Variants in FLNB observed in about 807,000 individuals in gnomAD.
The protein encoded by FLNB is filamin B.
In FLNB, 111 loss-of-function variants were observed where a neutral mutation model predicts 250.6. The observed-to-expected ratio is 0.44, with a 90% CI of 0.38 to 0.52. The LOEUF is 0.52. FLNB is among the 20% of genes least tolerant of loss of function. FLNB has a pLI of 0.00. For missense variants in FLNB, 2,869 were observed against 3,447.8 expected, an observed-to-expected ratio of 0.83 and a Z score of 4.20; for synonymous variants, 1,302 against 1,372.1, an observed-to-expected ratio of 0.95 and a Z score of 1.13.
chr3:58,054,511 G>C (rs928819581), intron 1 of FLNB, among the ~76,000 whole-genome samples: 6 of 152,130 alleles, frequency 3.9e-5, no homozygotes, highest in African/African-American at 1.2e-4. Flanking sequence ...GGAAGTCTCG[G>C]GAAACTTACA....
In FLNB at chr3:58,071,528, C is replaced by T. The variant is rs573645933; in HGVS notation, c.293-5518C>T. On this transcript the variant is annotated intron_variant, in intron 1 of 45. Coordinates refer to ENST00000295956, the MANE Select transcript of FLNB (RefSeq NM_001457.4). ...TCCTGACCCCAAGTGATCCTCCTGC[C>T]TCGGCCTCCCAAAGTGTTGAGATTA... Among the ~76,000 whole-genome samples, 14 of 152,218 alleles carry T rather than the reference C, an allele frequency of 9.2e-5. No individual in the cohort carries two copies. The South Asian group carries it at 1.5e-3, about 16-fold the overall frequency.
intron 1 of FLNB, among the ~76,000 whole-genome samples, chr3:58,060,366 T>A (rs1226025380): frequency 6.6e-6 from 1 of 150,392 alleles, no homozygotes; most frequent in Non-Finnish European, 1.5e-5. Flanking sequence ...TTTTTTTTTT[T>A]TTTTTGAGAT....
At chr3:58,089,427 T>G (rs1489253025) in intron 4 of FLNB, among the ~76,000 whole-genome samples, 1 of 151,438 alleles carries the variant, frequency 6.6e-6, no homozygotes, top group East Asian at 1.9e-4. Flanking sequence ...GCACCTGTAA[T>G]CCCAGCTACT....
At chr3:58,068,738 T>C (rs1475993237) in intron 1 of FLNB, among the ~76,000 whole-genome samples, 2 of 152,128 alleles carry the variant, frequency 1.3e-5, no homozygotes, top group South Asian at 2.1e-4. Flanking sequence ...AGCTCTTCAA[T>C]GTGGGGTGGT....
chr3:58,159,733 C>A (rs1231457626), intron 42 of FLNB, 47 bp downstream of exon 42: 1 of 1,601,886 alleles, frequency 6.2e-7, no homozygotes, highest in Non-Finnish European at 8.5e-7. Flanking sequence ...CACTTTCCAG[C>A]AGAATGTTCC....
chr3:58,152,982 C>T (rs76757704), intron 38 of FLNB: 5,270 of 331,152 alleles, frequency 0.016, 252 homozygotes, highest in African/African-American at 0.099. Flanking sequence ...GGTTTCCCCT[C>T]TGCCATTGGG....
At chr3:58,019,930 T>G (rs1372733797) in intron 1 of FLNB, among the ~76,000 whole-genome samples, 2 of 152,032 alleles carry the variant, frequency 1.3e-5, no homozygotes, top group African/African-American at 4.8e-5. Flanking sequence ...AAAGGTTGCT[T>G]TGGAGGAGGT....
At chr3:58,121,136 CTGAGA>C (rs1045331248) in intron 19 of FLNB, 100 bp from the exon 20 acceptor site, 9 of 1,446,192 alleles carry the variant, frequency 6.2e-6, no homozygotes, top group African/African-American at 5.6e-5. Flanking sequence ...ACAGTGGAGG[CTGAGA>C]TAAGTCCCCG....
At chr3:58,091,793 C>T (rs995240750) in intron 4 of FLNB, among the ~76,000 whole-genome samples, 11 of 152,172 alleles carry the variant, frequency 7.2e-5, no homozygotes, top group African/African-American at 2.7e-4. Context: ...TACTGTCCTG[C>T]AAGACAAGCT....
At chr3:58,126,959 T>C (rs555466833) in intron 24 of FLNB, among the ~76,000 whole-genome samples, 197 bp downstream of exon 24, 1 of 152,268 alleles carries the variant, frequency 6.6e-6, no homozygotes, top group South Asian at 2.1e-4. Context: ...AAGCATCGGC[T>C]TAGAATTTTG....
chr3:58,044,080 C>G (rs2097150025), intron 1 of FLNB, among the ~76,000 whole-genome samples: 1 of 152,192 alleles, frequency 6.6e-6, no homozygotes, highest in Non-Finnish European at 1.5e-5. Flanking sequence ...TAGCCATAGG[C>G]AGAGACCTCA....
intron 5 of FLNB, among the ~76,000 whole-genome samples, chr3:58,095,223 A>G (rs1377118300): frequency 6.8e-6 from 1 of 145,994 alleles, no homozygotes; most frequent in African/African-American, 2.5e-5. Context: ...GTTGAGGTTT[A>G]TGTATGTATT....
At chr3:58,085,528 C>T (rs2097216032) in intron 4 of FLNB, among the ~76,000 whole-genome samples, 1 of 152,130 alleles carries the variant, frequency 6.6e-6, no homozygotes, top group African/African-American at 2.4e-5. Flanking sequence ...AGTTGCCAGC[C>T]AGTTAGCATT....
At chr3:58,054,382 A>T (rs1383162958) in intron 1 of FLNB, among the ~76,000 whole-genome samples, 1 of 152,182 alleles carries the variant, frequency 6.6e-6, no homozygotes, top group East Asian at 1.9e-4. Context: ...TCGTTGCAGA[A>T]ACTTCTATTG....
At position 58,168,568 on chromosome 3, in the gene FLNB, A is replaced by G. The variant is rs2107339978; in HGVS notation, c.7327A>G (p.Thr2443Ala). 1.2e-6 allele frequency: 2 copies of G among 1,614,008 alleles called. No homozygotes were observed. Among genetic ancestry groups the G allele is most frequent in the Non-Finnish European group, 1.7e-6 (2 of 1,179,890 alleles). Residue 2443 changes from threonine to alanine, a missense_variant, in exon 44 of 46, where the codon ACC (threonine) becomes GCC (alanine). By Grantham distance (58) the Thr-to-Ala change is moderately conservative (BLOSUM62 0). This residue lies in a region of FLNB where 1,084 missense variants were observed against 1,315.5 expected (regional missense o/e 0.82). Coordinates refer to ENST00000295956, the MANE Select transcript of FLNB (RefSeq NM_001457.4). ...ACCTGAAGGGTACAAAGTCATGTAC[A>G]CCCCCATGGCTCCTGGTAACTACCT... ...ETPEGYKVMY[T>A]PMAPGNYLIS...
At chr3:58,075,232 A>G (rs1386868525) in intron 1 of FLNB, among the ~76,000 whole-genome samples, 1 of 152,080 alleles carries the variant, frequency 6.6e-6, no homozygotes, top group African/African-American at 2.4e-5. Context: ...GGAGACACCA[A>G]GATGCAGATA....
Position 58,152,646 on chromosome 3 carries a change from A to G in FLNB, c.6368-729A>G, listed in dbSNP as rs1013149394. The G allele has an allele frequency of 4.2e-6, 3 of 722,196 alleles. No individual in the cohort carries two copies. The African/African-American group carries it at 5.5e-5, about 13-fold the overall frequency. 44.7% of individuals were successfully genotyped at this position (722,196 alleles called of 1,614,324 possible). ...AATATTTGAATTTTGGAGGGACACA[A>G]ACATTCAGTTCATTACATGGGTGAC... On this transcript the variant is annotated intron_variant, in intron 38 of 45. Transcript: ENST00000295956.
chr3:58,102,570 G>A (rs2097252878), intron 9 of FLNB, among the ~76,000 whole-genome samples: 1 of 152,202 alleles, frequency 6.6e-6, no homozygotes, highest in African/African-American at 2.4e-5. Context: ...CAAGACTTCT[G>A]GGAGTAGAAA....
chr3:58,156,505 A>C (rs779730689), intron 41 of FLNB, among the ~76,000 whole-genome samples: 2 of 152,214 alleles, frequency 1.3e-5, no homozygotes, highest in Non-Finnish European at 2.9e-5. Context: ...TTCATTAATA[A>C]GTGTGCAGGG....
Sources: gnomAD v4.1 joint callset for allele counts (sites outside exome capture counted in the v4.1 genomes callset) on GRCh38, gnomAD v4.1.1 for gene constraint, gnomAD v4.1.1 regional missense constraint, MANE v1.5 for transcripts, NCBI Gene and HGNC (gene_info 2026-07-23, HGNC 2026-07-21) for gene names.